The following IGSF10 variants were observed in gnomAD, a reference collection of about 807,000 sequenced individuals.
IGSF10 encodes immunoglobulin superfamily member 10.
In IGSF10, 126 loss-of-function variants were observed where a neutral mutation model predicts 128.2. The observed-to-expected ratio is 0.98, with a 90% CI of 0.85 to 1.14. The LOEUF (loss-of-function observed/expected upper bound fraction) is 1.14, where lower values mean the gene tolerates loss of function less well. IGSF10 is among the 50% of genes most tolerant of loss of function. IGSF10 has a pLI of 0.00. For missense variants in IGSF10, 3,295 were observed against 3,149.8 expected, an observed-to-expected ratio of 1.05 and a Z score of -1.10; for synonymous variants, 1,185 against 1,146.2, an observed-to-expected ratio of 1.03 and a Z score of -0.68.
At chr3:151,473,361 T>C in the IGSF10 span, among the ~76,000 whole-genome samples, 1 of 152,360 alleles carries the variant, frequency 6.6e-6, no homozygotes, top group South Asian at 2.1e-4. Context: ...AAAACTATTA[T>C]TGATATTCTA....
the IGSF10 span, among the ~76,000 whole-genome samples, chr3:151,616,953 C>A: frequency 6.6e-6 from 1 of 152,154 alleles, no homozygotes; most frequent in Non-Finnish European, 1.5e-5. Flanking sequence ...CAGGGTGGCA[C>A]AGGACATCAC....
Position 151,443,221 on chromosome 3 carries a change from G to A in IGSF10, c.5726C>T (p.Ser1909Phe). Residue 1909 changes from serine (S) to phenylalanine (F), a missense_variant, in exon 7 of 8, where the codon TCT becomes TTT. Ser to Phe is a radical substitution (Grantham distance 155, BLOSUM62 -2). Coordinates refer to ENST00000282466, the MANE Select transcript of IGSF10 (RefSeq NM_178822.5). The stretch of plus-strand genomic sequence containing the variant: ...GCATTCATAAGTGCCCCTGTCTGAA[G>A]AGGCTAGGTTTCTTATATACAAAGT... Reference protein sequence around the residue: ...NGTLYIRNLASSDRGTYECIA... With the variant: ...NGTLYIRNLAFSDRGTYECIA... 6.2e-7 allele frequency: 1 copy of A among 1,613,782 alleles called. No individual in the cohort carries two copies. Among genetic ancestry groups the A allele is most frequent in the Non-Finnish European group, 8.5e-7 (1 of 1,179,796 alleles).
At chr3:151,512,056 T>G in the IGSF10 span, among the ~76,000 whole-genome samples, 3 of 152,008 alleles carry the variant, frequency 2.0e-5, no homozygotes, top group Admixed American at 6.6e-5. Flanking sequence ...ACAGATCAAC[T>G]AGACAGAAAG....
chr3:151,542,600 C>T, the IGSF10 span, among the ~76,000 whole-genome samples: 3 of 152,088 alleles, frequency 2.0e-5, no homozygotes, highest in African/African-American at 7.2e-5. Flanking sequence ...TTTCCACTAA[C>T]AGTATAACTT....
chr3:151,537,858 T>A, the IGSF10 span, among the ~76,000 whole-genome samples: 1 of 152,346 alleles, frequency 6.6e-6, no homozygotes, highest in East Asian at 1.9e-4. Flanking sequence ...CTGTTTTCCA[T>A]GGTTTCCCAG....
chr3:151,466,042 A>C (rs545018503), upstream of IGSF10, among the ~76,000 whole-genome samples: 2 of 152,098 alleles, frequency 1.3e-5, no homozygotes, highest in South Asian at 2.1e-4. Flanking sequence ...TTTGTCTATA[A>C]ATTTTTTCTG....
Position 151,453,751 on chromosome 3 carries a change from TTTA to T in IGSF10, c.345_347del (p.Asn115del). ...AAGTATCTTTCTGAAGTTTTCGGACTTTATTATAGCTCATTTTTAAGACCTATG... is the reference window on the plus strand; with the variant it reads ...AAGTATCTTTCTGAAGTTTTCGGACTTTATAGCTCATTTTTAAGACCTATG... On this transcript the variant is annotated inframe_deletion, in exon 5 of 8. Transcript: ENST00000282466. The T allele has an allele frequency of 6.4e-7, 1 of 1,565,754 alleles. No homozygotes were observed. Among genetic ancestry groups the T allele is most frequent in the South Asian group, 1.2e-5 (1 of 83,954 alleles).
chr3:151,581,471 G>C, the IGSF10 span, among the ~76,000 whole-genome samples: 1 of 151,944 alleles, frequency 6.6e-6, no homozygotes, highest in Admixed American at 6.6e-5. Context: ...TGTGTTGTTT[G>C]GTACCTCAAA....
At chr3:151,479,707 CATA>C in the IGSF10 span, among the ~76,000 whole-genome samples, 1 of 152,086 alleles carries the variant, frequency 6.6e-6, no homozygotes, top group South Asian at 2.1e-4. Context: ...ATATGTGGCT[CATA>C]AATATGTCAC....
chr3:151,438,860 A>ATG (rs1560172061), intron 7 of IGSF10, among the ~76,000 whole-genome samples: 2 of 88,030 alleles, frequency 2.3e-5, no homozygotes, highest in Non-Finnish European at 6.1e-5. Context: ...AGGTATATAT[A>ATG]TATATAGAGA....
chr3:151,525,298 A>T, the IGSF10 span, among the ~76,000 whole-genome samples: 7 of 152,158 alleles, frequency 4.6e-5, no homozygotes, highest in East Asian at 1.2e-3. Flanking sequence ...ATTACAGAAT[A>T]TGCATAACAT....
chr3:151,493,951 T>G, the IGSF10 span, among the ~76,000 whole-genome samples: 1 of 152,046 alleles, frequency 6.6e-6, no homozygotes, highest in Non-Finnish European at 1.5e-5. Context: ...GGGGGTAATT[T>G]GTTACACAGC....
Position 151,453,689 on chromosome 3 carries a change from T to C in IGSF10, c.410A>G (p.Asp137Gly). ...GTTTATAAACTCAATATTGTTGTGG[T>C]CCATGTGCAATCGTGTCAAGCTCCT... Reference protein sequence around the residue: ...GLRSLTRLHMDHNNIEFINPE... With the variant: ...GLRSLTRLHMGHNNIEFINPE... The change falls in exon 5 of 8, where the codon GAC (aspartate) becomes GGC (glycine). Residue 137 changes from aspartate (D) to glycine (G), a missense_variant. Asp to Gly is a moderately conservative substitution (Grantham distance 94, BLOSUM62 -1). Transcript: ENST00000282466. 3 of 1,612,694 alleles carry C rather than the reference T, an allele frequency of 1.9e-6. No individual in the cohort carries two copies. The highest frequency in any genetic ancestry group is 2.2e-5 in the South Asian group (2 of 90,974).
the IGSF10 span, among the ~76,000 whole-genome samples, chr3:151,551,227 T>C: frequency 2.0e-5 from 3 of 152,200 alleles, no homozygotes; most frequent in Admixed American, 6.5e-5. Context: ...CTTTGATGCA[T>C]ACTTATAAGC....
chr3:151,558,012 A>ATAAAATATATAT, the IGSF10 span, among the ~76,000 whole-genome samples: 1 of 30,112 alleles, frequency 3.3e-5, no homozygotes, highest in Non-Finnish European at 5.5e-5. Context: ...TATAATATAT[A>ATAAAATATATAT]TATATAATAT....
At chr3:151,617,321 C>CTTCTTCTTCTTCTTCTT in the IGSF10 span, among the ~76,000 whole-genome samples, 1 of 36,086 alleles carries the variant, frequency 2.8e-5, no homozygotes, top group Non-Finnish European at 5.0e-5. Flanking sequence ...TTCTTCTTCC[C>CTTCTTCTTCTTCTTCTT]CTCCTCCTCC....
At chr3:151,435,082 T>C (rs1203683497), downstream of IGSF10, 4 of 81,484 alleles carry the variant, frequency 4.9e-5, no homozygotes, top group Non-Finnish European at 9.1e-5. Flanking sequence ...TTTTTTTTTT[T>C]CTTTTCTTGC....
the IGSF10 span, among the ~76,000 whole-genome samples, chr3:151,559,597 C>G: frequency 7.9e-5 from 12 of 151,998 alleles, no homozygotes; most frequent in Non-Finnish European, 1.3e-4. Context: ...ATTAACACTA[C>G]TTTGTAGGAT....
chr3:151,609,231 A>C, the IGSF10 span, among the ~76,000 whole-genome samples: 1 of 152,180 alleles, frequency 6.6e-6, no homozygotes, highest in Non-Finnish European at 1.5e-5. Context: ...TGCATGAGGA[A>C]CAGGAAGGAG....
Sources: allele counts gnomAD v4.1 joint callset (sites outside exome capture counted in the v4.1 genomes callset), GRCh38; gene constraint gnomAD v4.1.1; transcripts MANE v1.5; gene names NCBI Gene and HGNC (gene_info 2026-07-23, HGNC 2026-07-21).